The following HSPG2 variants were observed in gnomAD, a reference collection of about 807,000 sequenced individuals.
HSPG2 encodes the protein heparan sulfate proteoglycan 2, also known as basement membrane-specific heparan sulfate proteoglycan core protein.
HSPG2 carries 278 observed loss-of-function variants against 526.6 expected under a neutral mutation model. That is an observed-to-expected ratio of 0.53 (90% CI 0.48 to 0.58). HSPG2 has a LOEUF of 0.58. Ranked by LOEUF, HSPG2 falls within the 20% of genes least tolerant of loss-of-function variation. The probability of loss-of-function intolerance (pLI) is 0.00; values close to 1 mark genes in which losing one functional copy is unlikely to be tolerated. For missense variants in HSPG2, 5,354 were observed against 6,099.5 expected, an observed-to-expected ratio of 0.88 and a Z score of 4.07; for synonymous variants, 2,465 against 2,555.4, an observed-to-expected ratio of 0.96 and a Z score of 1.07.
intron 1 of HSPG2, among the ~76,000 whole-genome samples, chr1:21,916,330 T>A (rs770969188): frequency 5.9e-5 from 9 of 151,966 alleles, no homozygotes; most frequent in Non-Finnish European, 1.3e-4. Context: ...TGAAACCCTG[T>A]CTCTATTAGT....
At chr1:21,913,274 C>A (rs1643763075) in intron 1 of HSPG2, among the ~76,000 whole-genome samples, 1 of 152,124 alleles carries the variant, frequency 6.6e-6, no homozygotes, top group African/African-American at 2.4e-5. Flanking sequence ...CCCTCAGTCT[C>A]AACCTCTGGC....
chr1:21,926,125 A>G (rs1644184334), intron 1 of HSPG2, among the ~76,000 whole-genome samples: 1 of 152,024 alleles, frequency 6.6e-6, no homozygotes, highest in South Asian at 2.1e-4. Context: ...TCTGGCCCCC[A>G]ACTCCCCCTC....
intron 9 of HSPG2, 65 bp from the exon 10 acceptor site, chr1:21,885,516 G>C: frequency 6.3e-7 from 1 of 1,591,686 alleles, no homozygotes; most frequent in Non-Finnish European, 8.6e-7. Context: ...CATCCCCAGG[G>C]CCACTCTCTC....
chr1:21,909,224 C>G (rs1168933684), intron 1 of HSPG2, among the ~76,000 whole-genome samples: 1 of 152,262 alleles, frequency 6.6e-6, no homozygotes, highest in African/African-American at 2.4e-5. Context: ...TACCTCCCCT[C>G]TTGCCCTGTT....
chr1:21,910,227 G>T (rs1643590179), intron 1 of HSPG2, among the ~76,000 whole-genome samples: 1 of 152,194 alleles, frequency 6.6e-6, no homozygotes, highest in Non-Finnish European at 1.5e-5. Context: ...AGCTCTGACT[G>T]GGCCTCCTCC....
At chr1:21,885,852 A>G (rs1641855917) in intron 9 of HSPG2, among the ~76,000 whole-genome samples, 3 of 152,346 alleles carry the variant, frequency 2.0e-5, no homozygotes, top group Admixed American at 1.3e-4. Flanking sequence ...CTCTACCAGA[A>G]TGCCTGGCAC....
At chr1:21,905,839 T>G (rs1311235098) in intron 1 of HSPG2, among the ~76,000 whole-genome samples, 1 of 152,146 alleles carries the variant, frequency 6.6e-6, no homozygotes, top group Non-Finnish European at 1.5e-5. Flanking sequence ...AGTGAGACTC[T>G]GTCTCTACAA....
chr1:21,828,448 G>C lies in HSPG2; in HGVS notation c.12238-22C>G, dbSNP rs756658507. ...ACACCTGTGGGGACAGGGACACCGA[G>C]GGACTAAAGGGGCCTGGGAGGCAGA... On this transcript the variant is annotated intron_variant, in intron 88 of 96. Coordinates refer to ENST00000374695, the MANE Select transcript of HSPG2 (RefSeq NM_005529.7). This position sits in a 1 kb window ranked among gnomAD's most constrained non-coding sequence, Gnocchi z 6.0. The C allele has an allele frequency of 1.2e-6, 2 of 1,610,902 alleles. No homozygotes were observed. Among genetic ancestry groups the C allele is most frequent in the African/African-American group, 2.7e-5 (2 of 74,880 alleles).
Position 21,848,516 on chromosome 1 carries a change from C to G in HSPG2, c.7737+127G>C. The G allele has an allele frequency of 8.8e-7, 1 of 1,130,318 alleles. No individual in the cohort carries two copies. The highest frequency in any genetic ancestry group is 1.3e-6 in the Non-Finnish European group (1 of 750,532). The allele number at this position is 1,130,318 out of a possible 1,614,324, so 70.0% of individuals were successfully genotyped here. A position where few individuals can be genotyped will look rare whatever the true frequency, so the allele number is the denominator to read the frequency against. ...TTCTCAGCACTGGTCTAGGACCCAT[C>G]CAGCAAGGATACTCAATGTTTGTTG... is the stretch of plus-strand genomic sequence containing the variant. On this transcript the variant is annotated intron_variant, in intron 59 of 96. Coordinates refer to ENST00000374695, the MANE Select transcript of HSPG2 (RefSeq NM_005529.7). This position sits in a 1 kb window ranked among gnomAD's most constrained non-coding sequence, Gnocchi z 4.9.
At position 21,841,600 on chromosome 1, in the gene HSPG2, G is replaced by A; in HGVS notation, c.9267C>T (p.Tyr3089=). Residue 3089 remains tyrosine (Y), a synonymous_variant, in exon 70 of 97, where the codon TAC becomes TAT. Coordinates refer to ENST00000374695, the MANE Select transcript of HSPG2 (RefSeq NM_005529.7). ...CGTAGGCATTGGAGGCCACGCAGCG[G>A]TAGGTACCGTGGTTGCTGGGCCGGG... ...VGTRPSNHGT[Y]RCVASNAYGV... The A allele has an allele frequency of 3.7e-6, 6 of 1,614,194 alleles. No individual in the cohort carries two copies. Among genetic ancestry groups the A allele is most frequent in the Middle Eastern group, 1.6e-4 (1 of 6,062 alleles).
intron 1 of HSPG2, among the ~76,000 whole-genome samples, chr1:21,903,549 A>G (rs1253397176): frequency 6.6e-6 from 1 of 152,174 alleles, no homozygotes; most frequent in South Asian, 2.1e-4. Context: ...GCAGTGAGCC[A>G]AGATTGCGCC....
At position 21,838,827 on chromosome 1, in the gene HSPG2, T is replaced by C; in HGVS notation, c.10148A>G (p.Gln3383Arg). The C allele has an allele frequency of 6.2e-7, 1 of 1,611,978 alleles. No homozygotes were observed. Among genetic ancestry groups the C allele is most frequent in the Non-Finnish European group, 8.5e-7 (1 of 1,179,594 alleles). ...SAEAFAQLLV[Q>R]GPPGSLPATS... The stretch of plus-strand genomic sequence containing the variant: ...CACGCAGAGCCGGGGCTGCTTACCT[T>C]GGACGAGCAGCTGGGCAAAGGCCTC... Residue 3383 changes from glutamine (Q) to arginine (R), a missense_variant and splice_region_variant, in exon 74 of 97, where the codon CAA becomes CGA. Coordinates refer to ENST00000374695, the MANE Select transcript of HSPG2 (RefSeq NM_005529.7).
At position 21,865,567 on chromosome 1, in the gene HSPG2, C is replaced by G. The variant is rs1047896797; in HGVS notation, c.4314+150G>C. ...ATCCTCTGCTTGGGTAGTGTCCAAC[C>G]AGGCAGGGATGTGGGGGCATGGGCC... On this transcript the variant is annotated intron_variant, in intron 34 of 96. Transcript: ENST00000374695. The surrounding 1 kb of genome is among the most constrained non-coding windows in gnomAD (Gnocchi z 5.4). 2 of 868,900 alleles carry G rather than the reference C, an allele frequency of 2.3e-6. No individual in the cohort carries two copies. Among genetic ancestry groups the G allele is most frequent in the Non-Finnish European group, 3.9e-6 (2 of 518,976 alleles). 53.8% of individuals were successfully genotyped at this position (868,900 alleles called of 1,614,324 possible). A position where few individuals can be genotyped will look rare whatever the true frequency, so the allele number is the denominator to read the frequency against.
rs966695350 is a variant in HSPG2, at chr1:21,864,181, A to G, written c.4659T>C (p.Ser1553=). ...GCTCGCAGTGGCCGAGGTAGAGCCC[A>G]CTCCCGGTGCGCGTGTAGCCGGGGG... ...DCAPGYTRTG[S]GLYLGHCELC... The change falls in exon 37 of 97, where the codon AGT becomes AGC. Residue 1553 remains serine (S), a synonymous_variant. Transcript: ENST00000374695. This position sits in a 1 kb window ranked among gnomAD's most constrained non-coding sequence, Gnocchi z 4.8. The G allele has an allele frequency of 1.7e-5, 26 of 1,553,618 alleles. No individual in the cohort carries two copies. The African/African-American group carries it at 3.0e-4, about 18-fold the overall frequency.
rs1639003094 is a variant in HSPG2 at position 21,852,788 on chromosome 1, G to A, written c.6636C>T (p.Asp2212=). Residue 2212 remains aspartate (D), a synonymous_variant, in exon 52 of 97, where the codon GAC becomes GAT. Coordinates refer to ENST00000374695, the MANE Select transcript of HSPG2 (RefSeq NM_005529.7). ...CCACATGGCACACATACTCGCCTGA[G>A]TCGGCCGGGGTCACCTGGTGCAGCC... The part of the protein sequence containing the change: ...LLRLHQVTPA[D]SGEYVCHVVG... 2 of 1,612,938 alleles carry A rather than the reference G, an allele frequency of 1.2e-6. No individual in the cohort carries two copies. The highest frequency in any genetic ancestry group is 1.7e-6 in the Non-Finnish European group (2 of 1,179,886).
At chr1:21,831,876 G>A in intron 81 of HSPG2, 80 bp from the exon 82 acceptor site, 1 of 1,429,924 alleles carries the variant, frequency 7.0e-7, no homozygotes, top group Non-Finnish European at 9.4e-7. Flanking sequence ...TTGGGTAGAG[G>A]GGTCCCAGAG....
chr1:21,896,371 CTTCCCCTCACTTCCA>C, intron 1 of HSPG2, 61 bp from the exon 2 acceptor site: 1 of 1,589,416 alleles, frequency 6.3e-7, no homozygotes, highest in Non-Finnish European at 8.6e-7. Context: ...CCCCACGGTC[CTTCCCCTCACTTCCA>C]GGGGGACCCA....
chr1:21,849,075 T>C (rs751998189), intron 57 of HSPG2, 44 bp from the exon 58 acceptor site: 19 of 1,603,702 alleles, frequency 1.2e-5, no homozygotes, highest in Non-Finnish European at 7.7e-6. Context: ...AGCTGGGCAC[T>C]GCGGCTCACG....
In HSPG2 at chr1:21,842,058, T is replaced by A; in HGVS notation, c.9137A>T (p.His3046Leu). 4.3e-6 allele frequency: 7 copies of A among 1,613,600 alleles called. No individual in the cohort carries two copies. Among genetic ancestry groups the A allele is most frequent in the Non-Finnish European group, 5.1e-6 (6 of 1,180,010 alleles). Residue 3046 changes from histidine to leucine, a missense_variant, in exon 69 of 97, where the codon CAT becomes CTT. Transcript: ENST00000374695. ...GAGGCTGATGGGGGCTGCCCCGTCA[T>A]GGATGAGGCACTTGAAGCTGGCATC... ...GQDASFKCLI[H>L]DGAAPISLEW...
Sources: allele counts gnomAD v4.1 joint callset (sites outside exome capture counted in the v4.1 genomes callset), GRCh38; gene constraint gnomAD v4.1.1; non-coding constraint Gnocchi (gnomAD v3.1); transcripts MANE v1.5; gene names NCBI Gene and HGNC (gene_info 2026-07-23, HGNC 2026-07-21).